The following BTG1 variants were observed in gnomAD, a reference collection of about 807,000 sequenced individuals.
BTG1 encodes the protein protein BTG1.
Under a neutral mutation model 15.2 loss-of-function variants are expected in BTG1, and 2 were observed. The ratio of observed to expected loss-of-function variants is 0.13; its 90% CI spans 0.05 to 0.41. The LOEUF (loss-of-function observed/expected upper bound fraction) is 0.41. Ranked by LOEUF, BTG1 falls within the 10% of genes least tolerant of loss-of-function variation. The pLI, the probability that BTG1 is intolerant of heterozygous loss-of-function variation, is 0.99. For missense variants in BTG1, 149 were observed against 215.0 expected, an observed-to-expected ratio of 0.69 and a Z score of 1.92; for synonymous variants, 109 against 82.4, an observed-to-expected ratio of 1.32 and a Z score of -1.75.
rs556330446 is a variant in BTG1, at chr12:92,145,529, G to A, written c.7C>T (p.Pro3Ser). MH[P>S]FYTRAATMIG... Reference sequence around the variant, plus strand: ...ATGGTGGCGGCCCGGGTGTAGAAGGGATGCATGGGGGCGGCGTGCGGGGGC... The same window carrying A: ...ATGGTGGCGGCCCGGGTGTAGAAGGAATGCATGGGGGCGGCGTGCGGGGGC... The change falls in exon 1 of 2, where the codon CCC becomes TCC. Residue 3 changes from proline (P) to serine (S), a missense_variant. Coordinates refer to ENST00000256015, the MANE Select transcript of BTG1 (RefSeq NM_001731.3). 4.0e-5 allele frequency: 61 copies of A among 1,514,256 alleles called. No individual in the cohort carries two copies. The highest frequency in any genetic ancestry group is 5.3e-5 in the Non-Finnish European group (60 of 1,128,094). 93.8% of individuals were successfully genotyped at this position (1,514,256 alleles called of 1,614,324 possible). A position where few individuals can be genotyped will look rare whatever the true frequency, so the allele number is the denominator to read the frequency against.
At position 92,143,827 on chromosome 12, in the gene BTG1, G is replaced by C. The variant is rs566524843; in HGVS notation, c.*253C>G. On this transcript the variant is annotated 3_prime_UTR_variant, in exon 2 of 2. Coordinates refer to ENST00000256015, the MANE Select transcript of BTG1 (RefSeq NM_001731.3). ...CTGGGAGAAACTGAAACCACCCTAGGACTTCCCTCCCTAGCAAATAAAGTG... is the reference window on the plus strand; with the variant it reads ...CTGGGAGAAACTGAAACCACCCTAGCACTTCCCTCCCTAGCAAATAAAGTG... 6.6e-6 allele frequency: 3 copies of C among 455,970 alleles called. No individual in the cohort carries two copies. The South Asian group carries it at 9.0e-5, about 14-fold the overall frequency. 28.2% of individuals were successfully genotyped at this position (455,970 alleles called of 1,614,324 possible).
At position 92,141,470 on chromosome 12, in the gene BTG1, T is replaced by C. The variant is rs747619859; in HGVS notation, c.*2610A>G. ...AAGGAAATAATTTCAAAACTACCTG[T>C]TAAAACTTAGAAAGTAACACTCCTC... On this transcript the variant is annotated 3_prime_UTR_variant, in exon 2 of 2. Coordinates refer to ENST00000256015, the MANE Select transcript of BTG1 (RefSeq NM_001731.3). 117 of 231,602 alleles carry C rather than the reference T, an allele frequency of 5.1e-4. No homozygotes were observed. The highest frequency in any genetic ancestry group is 1.1e-3 in the Admixed American group (20 of 17,754). 14.3% of individuals were successfully genotyped at this position (231,602 alleles called of 1,614,324 possible). A position where few individuals can be genotyped will look rare whatever the true frequency, so the allele number is the denominator to read the frequency against.
rs1870165857 is a variant in BTG1 at position 92,140,841 on chromosome 12, G to T, written c.*3239C>A. 1 of 232,408 alleles carries T rather than the reference G, an allele frequency of 4.3e-6. No homozygotes were observed. The highest frequency in any genetic ancestry group is 5.6e-5 in the Admixed American group (1 of 17,770). The allele number at this position is 232,408 out of a possible 1,614,324, so 14.4% of individuals were successfully genotyped here. On this transcript the variant is annotated 3_prime_UTR_variant, in exon 2 of 2. Coordinates refer to ENST00000256015, the MANE Select transcript of BTG1 (RefSeq NM_001731.3). ...AGATATACTTTTTGAAGACTTCCATGCATAGATAAAACTATTGACAAATGT... is the reference window on the plus strand; with the variant it reads ...AGATATACTTTTTGAAGACTTCCATTCATAGATAAAACTATTGACAAATGT...
rs530933846 is a variant in BTG1 at position 92,141,971 on chromosome 12, T to TAGTC, written c.*2105_*2108dup. ...ATGAAATGTAGTTGGTAAACAACAGTAGTCAGCACTGGGGTGAGACCCATT... is the reference window on the plus strand; with the variant it reads ...ATGAAATGTAGTTGGTAAACAACAGTAGTCAGTCAGCACTGGGGTGAGACCCATT... On this transcript the variant is annotated 3_prime_UTR_variant, in exon 2 of 2. Transcript: ENST00000256015. The TAGTC allele has an allele frequency of 9.0e-5, 21 of 232,096 alleles. No homozygotes were observed. In the South Asian group the frequency reaches 3.4e-3, roughly 38 times the overall value. The allele number at this position is 232,096 out of a possible 1,614,324, so 14.4% of individuals were successfully genotyped here.
chr12:92,142,324 CCA>C lies in BTG1; in HGVS notation c.*1754_*1755del, dbSNP rs781639865. The C allele has an allele frequency of 8.7e-6, 2 of 230,648 alleles. No homozygotes were observed. Among genetic ancestry groups the C allele is most frequent in the Non-Finnish European group, 1.7e-5 (2 of 116,586 alleles). The allele number at this position is 230,648 out of a possible 1,614,324, so 14.3% of individuals were successfully genotyped here. On this transcript the variant is annotated 3_prime_UTR_variant, in exon 2 of 2. Coordinates refer to ENST00000256015, the MANE Select transcript of BTG1 (RefSeq NM_001731.3). ...TAATTTTATTTCAGACTGCGTATTTCCAGTGTCAACATGTTTACATATATACC... is the reference window on the plus strand; with the variant it reads ...TAATTTTATTTCAGACTGCGTATTTCGTGTCAACATGTTTACATATATACC...
intron 1 of BTG1, among the ~76,000 whole-genome samples, chr12:92,144,776 C>T (rs894561116): frequency 6.6e-6 from 1 of 152,208 alleles, no homozygotes; most frequent in African/African-American, 2.4e-5. Flanking sequence ...CACCCCACCC[C>T]AGATGCACAC....
At position 92,145,539 on chromosome 12, in the gene BTG1, G is replaced by T. The variant is rs760680082; in HGVS notation, c.-4C>A. 2.7e-6 allele frequency: 4 copies of T among 1,494,234 alleles called. No homozygotes were observed. The highest frequency in any genetic ancestry group is 2.7e-5 in the East Asian group (1 of 36,718). The allele number at this position is 1,494,234 out of a possible 1,614,324, so 92.6% of individuals were successfully genotyped here. On this transcript the variant is annotated 5_prime_UTR_variant, in exon 1 of 2. Transcript: ENST00000256015. ...CCCGGGTGTAGAAGGGATGCATGGG[G>T]GCGGCGTGCGGGGGCGGCCCGGGGC...
chr12:92,145,392 C>T lies in BTG1; in HGVS notation c.144G>A (p.Leu48=), dbSNP rs944268218. Residue 48 remains leucine, a synonymous_variant, in exon 1 of 2, where the codon CTG becomes CTA. Transcript: ENST00000256015. ...CGACGCCCTCGCCCTGCTCACCTGC[C>T]AGCAGCTCCTGCAGGCTCTGGCTGA... is the stretch of plus-strand genomic sequence containing the variant. ...QTFSQSLQEL[L]AEHYKHHWFP... 1.3e-6 allele frequency: 2 copies of T among 1,582,066 alleles called. No individual in the cohort carries two copies. Among genetic ancestry groups the T allele is most frequent in the South Asian group, 2.3e-5 (2 of 88,194 alleles).
In BTG1 at chr12:92,145,746, T is replaced by C. The variant is rs1592658536; in HGVS notation, c.-211A>G. ...GCAGGAGAGAGGAAGAGACGAGCGA[T>C]GGCGGCCTGGTCACATCGCTCGGAC... On this transcript the variant is annotated 5_prime_UTR_variant, in exon 1 of 2. Coordinates refer to ENST00000256015, the MANE Select transcript of BTG1 (RefSeq NM_001731.3). 2.6e-5 allele frequency: 8 copies of C among 309,668 alleles called. No homozygotes were observed. In the South Asian group the frequency reaches 9.9e-4, roughly 38 times the overall value. The allele number at this position is 309,668 out of a possible 1,614,324, so 19.2% of individuals were successfully genotyped here. A position where few individuals can be genotyped will look rare whatever the true frequency, so the allele number is the denominator to read the frequency against.
At chr12:92,144,593 T>C in intron 1 of BTG1, 146 bp from the exon 2 acceptor site, 8 of 1,098,092 alleles carry the variant, frequency 7.3e-6, no homozygotes, top group Non-Finnish European at 1.0e-5. Context: ...TTGTTGTGCA[T>C]GTGCGGGGAT....
Position 92,145,548 on chromosome 12 carries a change from C to T in BTG1, c.-13G>A, listed in dbSNP as rs751368032. 3.4e-6 allele frequency: 5 copies of T among 1,467,314 alleles called. No homozygotes were observed. In the African/African-American group the frequency reaches 4.3e-5, roughly 13 times the overall value. 90.9% of individuals were successfully genotyped at this position (1,467,314 alleles called of 1,614,324 possible). A position where few individuals can be genotyped will look rare whatever the true frequency, so the allele number is the denominator to read the frequency against. On this transcript the variant is annotated 5_prime_UTR_variant, in exon 1 of 2. Transcript: ENST00000256015. ...AGAAGGGATGCATGGGGGCGGCGTGCGGGGGCGGCCCGGGGCGGCTGGGGC... is the reference window on the plus strand; with the variant it reads ...AGAAGGGATGCATGGGGGCGGCGTGTGGGGGCGGCCCGGGGCGGCTGGGGC...
rs1408056722 is a variant in BTG1 at position 92,145,563 on chromosome 12, G to T, written c.-28C>A. On this transcript the variant is annotated 5_prime_UTR_variant, in exon 1 of 2. Transcript: ENST00000256015. ...GGGCGGCGTGCGGGGGCGGCCCGGG[G>T]CGGCTGGGGCTCGGCGGCGCGGCCC... The T allele has an allele frequency of 7.3e-7, 1 of 1,375,830 alleles. No individual in the cohort carries two copies. The highest frequency in any genetic ancestry group is 9.4e-7 in the Non-Finnish European group (1 of 1,060,044). 85.2% of individuals were successfully genotyped at this position (1,375,830 alleles called of 1,614,324 possible). A position where few individuals can be genotyped will look rare whatever the true frequency, so the allele number is the denominator to read the frequency against.
In BTG1 at chr12:92,145,814, T is replaced by C. The variant is rs12694; in HGVS notation, c.-279A>G. 0.43 allele frequency: 109,603 copies of C among 252,314 alleles called. 24,300 individuals carry two copies. The highest frequency in any genetic ancestry group is 0.56 in the South Asian group (3,286 of 5,872). The allele number at this position is 252,314 out of a possible 1,614,324, so 15.6% of individuals were successfully genotyped here. ...CCTCCAGCTCCGCAGCATTCGAAGA[T>C]CTCAATAGCTGCATTTCCAGCTCCG... is the stretch of plus-strand genomic sequence containing the variant. On this transcript the variant is annotated 5_prime_UTR_variant, in exon 1 of 2. Transcript: ENST00000256015.
intron 1 of BTG1, chr12:92,145,175 C>T (rs1870503051): frequency 3.2e-6 from 2 of 628,560 alleles, no homozygotes; most frequent in South Asian, 3.9e-5. Context: ...CTCCGTTTTG[C>T]CAGCTGGGGG....
rs531165339 is a variant in BTG1 at position 92,143,125 on chromosome 12, T to C, written c.*955A>G. The stretch of plus-strand genomic sequence containing the variant: ...CTCTATAATCATGACAAGAGATTGA[T>C]TAAAATGCCAAGATAAGAAACGATT... On this transcript the variant is annotated 3_prime_UTR_variant, in exon 2 of 2. Coordinates refer to ENST00000256015, the MANE Select transcript of BTG1 (RefSeq NM_001731.3). 8.6e-6 allele frequency: 2 copies of C among 232,748 alleles called. No homozygotes were observed. The highest frequency in any genetic ancestry group is 1.8e-4 in the South Asian group (1 of 5,528). The allele number at this position is 232,748 out of a possible 1,614,324, so 14.4% of individuals were successfully genotyped here. A position where few individuals can be genotyped will look rare whatever the true frequency, so the allele number is the denominator to read the frequency against.
chr12:92,145,368 G>A lies in BTG1; in HGVS notation c.148+20C>T, dbSNP rs1172016456. 2.6e-6 allele frequency: 4 copies of A among 1,530,318 alleles called. No homozygotes were observed. The highest frequency in any genetic ancestry group is 3.5e-6 in the Non-Finnish European group (4 of 1,135,836). The allele number at this position is 1,530,318 out of a possible 1,614,324, so 94.8% of individuals were successfully genotyped here. ...AGGGATGTGGGGCCCGCGTCCCTCCGACGCCCTCGCCCTGCTCACCTGCCA... is the reference window on the plus strand; with the variant it reads ...AGGGATGTGGGGCCCGCGTCCCTCCAACGCCCTCGCCCTGCTCACCTGCCA... On this transcript the variant is annotated intron_variant, in intron 1 of 1. Coordinates refer to ENST00000256015, the MANE Select transcript of BTG1 (RefSeq NM_001731.3).
rs755707334 is a variant in BTG1 at position 92,141,476 on chromosome 12, C to T, written c.*2604G>A. ...ATAATTTCAAAACTACCTGTTAAAACTTAGAAAGTAACACTCCTCAAACTT... is the reference window on the plus strand; with the variant it reads ...ATAATTTCAAAACTACCTGTTAAAATTTAGAAAGTAACACTCCTCAAACTT... On this transcript the variant is annotated 3_prime_UTR_variant, in exon 2 of 2. Transcript: ENST00000256015. 4.3e-6 allele frequency: 1 copy of T among 231,630 alleles called. No individual in the cohort carries two copies. Among genetic ancestry groups the T allele is most frequent in the Non-Finnish European group, 8.5e-6 (1 of 117,008 alleles). The allele number at this position is 231,630 out of a possible 1,614,324, so 14.3% of individuals were successfully genotyped here.
rs1001702436 is a variant in BTG1 at position 92,143,147 on chromosome 12, GATTT to G, written c.*929_*932del. 4 of 232,512 alleles carry G rather than the reference GATTT, an allele frequency of 1.7e-5. No homozygotes were observed. The highest frequency in any genetic ancestry group is 6.1e-5 in the East Asian group (1 of 16,374). 14.4% of individuals were successfully genotyped at this position (232,512 alleles called of 1,614,324 possible). On this transcript the variant is annotated 3_prime_UTR_variant, in exon 2 of 2. Transcript: ENST00000256015. ...TGATTAAAATGCCAAGATAAGAAAC[GATTT>G]ATTATAGAGAGAAGAAAAATTTCTC... is the stretch of plus-strand genomic sequence containing the variant.
Position 92,145,261 on chromosome 12 carries a change from C to T in BTG1, c.148+127G>A, listed in dbSNP as rs993225066. On this transcript the variant is annotated intron_variant, in intron 1 of 1. Coordinates refer to ENST00000256015, the MANE Select transcript of BTG1 (RefSeq NM_001731.3). ...TAGCGGCCACCCAGCGCAACCACAC[C>T]GGTCCCGCGGCGGGGCCCAAGCGCG... 23 of 1,294,586 alleles carry T rather than the reference C, an allele frequency of 1.8e-5. 1 individual carries two copies. Among genetic ancestry groups the T allele is most frequent in the Non-Finnish European group, 2.2e-5 (22 of 1,010,350 alleles). The allele number at this position is 1,294,586 out of a possible 1,614,324, so 80.2% of individuals were successfully genotyped here.
Sources: allele counts gnomAD v4.1 joint callset (sites outside exome capture counted in the v4.1 genomes callset), GRCh38; gene constraint gnomAD v4.1.1; transcripts MANE v1.5; gene names NCBI Gene and HGNC (gene_info 2026-07-23, HGNC 2026-07-21).